C1QTNF1: variants seen among roughly 807,000 people sequenced by gnomAD.
C1QTNF1 encodes complement C1q tumor necrosis factor-related protein 1.
Under a neutral mutation model 27.8 loss-of-function variants are expected in C1QTNF1, and 22 were observed. The ratio of observed to expected loss-of-function variants is 0.79; its 90% CI spans 0.56 to 1.13. The LOEUF is 1.13. C1QTNF1 is among the 50% of genes most tolerant of loss of function. The pLI, the probability that C1QTNF1 is intolerant of heterozygous loss-of-function variation, is 0.00. For synonymous variants in C1QTNF1, 166 were observed against 154.3 expected (o/e 1.08, Z -0.56); for missense variants, 373 against 380.2 (o/e 0.98, Z 0.16).
intron 1 of C1QTNF1, among the ~76,000 whole-genome samples, chr17:79,028,215 G>T (rs1333034372): frequency 6.6e-6 from 1 of 152,222 alleles, no homozygotes; most frequent in Non-Finnish European, 1.5e-5. Context: ...TTGGTGCCCT[G>T]TGCTGGGTCA....
intron 2 of C1QTNF1, among the ~76,000 whole-genome samples, chr17:79,044,659 T>C (rs1286807827): frequency 6.6e-6 from 1 of 152,172 alleles, no homozygotes; most frequent in Non-Finnish European, 1.5e-5. Context: ...TGGATGGCCT[T>C]CGTGTCTACG....
intron 2 of C1QTNF1, among the ~76,000 whole-genome samples, chr17:79,044,697 G>A (rs905986628): frequency 1.3e-5 from 2 of 152,182 alleles, no homozygotes; most frequent in Non-Finnish European, 1.5e-5. Context: ...GACTCCAGCC[G>A]ACCTGGGACA....
At position 79,047,964 on chromosome 17, in the gene C1QTNF1, G is replaced by C. The variant is rs35035542; in HGVS notation, c.722G>C (p.Arg241Pro). 6.2e-7 allele frequency: 1 copy of C among 1,613,808 alleles called. No individual in the cohort carries two copies. The highest frequency in any genetic ancestry group is 1.1e-5 in the South Asian group (1 of 91,070). ...MQSQSLMLEL[R>P]EQDQVWVRLY... ...AGCCAGAGCCTGATGCTGGAGCTGCGAGAGCAGGACCAGGTGTGGGTACGC... is the reference window on the plus strand; with the variant it reads ...AGCCAGAGCCTGATGCTGGAGCTGCCAGAGCAGGACCAGGTGTGGGTACGC... The change falls in exon 4 of 4, where the codon CGA becomes CCA. Residue 241 changes from arginine (R) to proline (P), a missense_variant. Coordinates refer to ENST00000579760, the MANE Select transcript of C1QTNF1 (RefSeq NM_030968.5).
chr17:79,037,465 T>C (rs917950771), intron 1 of C1QTNF1, among the ~76,000 whole-genome samples: 1 of 151,658 alleles, frequency 6.6e-6, no homozygotes, highest in Non-Finnish European at 1.5e-5. Context: ...GGATTTGCCA[T>C]GTTGGCCAGG....
At position 79,047,668 on chromosome 17, in the gene C1QTNF1, G is replaced by A. The variant is rs769429332; in HGVS notation, c.426G>A (p.Lys142=). 2.5e-6 allele frequency: 4 copies of A among 1,613,810 alleles called. No homozygotes were observed. In the East Asian group the frequency reaches 8.9e-5, roughly 36 times the overall value. ...TGGGGGCCCCTGGGGAGCGGTGCAA[G>A]AGCCACTACGCCGCCTTTTCGGTGG... ...GSMGAPGERC[K]SHYAAFSVGR... Residue 142 remains lysine, a synonymous_variant, in exon 4 of 4, where the codon AAG becomes AAA. Coordinates refer to ENST00000579760, the MANE Select transcript of C1QTNF1 (RefSeq NM_030968.5).
At position 79,046,062 on chromosome 17, in the gene C1QTNF1, G is replaced by A. The variant is rs761246815; in HGVS notation, c.156-493G>A. 2.0e-5 allele frequency among the ~76,000 whole-genome samples: 3 copies of A among 152,184 alleles called. No homozygotes were observed. The highest frequency in any genetic ancestry group is 1.9e-4 in the East Asian group (1 of 5,188). ...CGCGAGGTGGCAGCCAGGAGCCGCC[G>A]CCGTCCATCCTGCCTGCGGGCTTGT... On this transcript the variant is annotated intron_variant, in intron 2 of 3. Coordinates refer to ENST00000579760, the MANE Select transcript of C1QTNF1 (RefSeq NM_030968.5). This position sits in a 1 kb window ranked among gnomAD's most constrained non-coding sequence, Gnocchi z 4.8.
At chr17:79,033,413 G>C (rs550708093) in intron 1 of C1QTNF1, among the ~76,000 whole-genome samples, 8 of 152,266 alleles carry the variant, frequency 5.3e-5, no homozygotes, top group African/African-American at 1.9e-4. Flanking sequence ...TGTGGACCAG[G>C]ACAGGCAGAA....
chr17:79,023,704 G>GCACA (rs5822269), upstream of C1QTNF1, among the ~76,000 whole-genome samples: 2,511 of 144,994 alleles, frequency 0.017, 48 homozygotes, highest in African/African-American at 0.05. Context: ...GCGCGCGCGC[G>GCACA]CACACACACA....
intron 1 of C1QTNF1, among the ~76,000 whole-genome samples, chr17:79,029,366 C>A (rs1259642813): frequency 6.6e-6 from 1 of 152,180 alleles, no homozygotes; most frequent in African/African-American, 2.4e-5. Context: ...CAGCACCTCC[C>A]CACTGTGGAA....
intron 1 of C1QTNF1, chr17:79,025,648 CA>C (rs1286229188): frequency 1.9e-5 from 3 of 159,240 alleles, no homozygotes; most frequent in Non-Finnish European, 4.2e-5. Context: ...CAGCCATGAA[CA>C]GCCACAGATA....
chr17:79,049,462 C>G lies in C1QTNF1; in HGVS notation c.*1374C>G, dbSNP rs906191732. The G allele has an allele frequency of 6.6e-6, 1 of 152,506 alleles. No individual in the cohort carries two copies. The highest frequency in any genetic ancestry group is 1.5e-5 in the Non-Finnish European group (1 of 68,278). The allele number at this position is 152,506 out of a possible 1,614,324, so 9.4% of individuals were successfully genotyped here. ...GCCCTGCCCATGGCCACCCCAGACT[C>G]TGATCTCCAGGAACCCCATAGCCCC... is the stretch of plus-strand genomic sequence containing the variant. On this transcript the variant is annotated 3_prime_UTR_variant, in exon 4 of 4. Coordinates refer to ENST00000579760, the MANE Select transcript of C1QTNF1 (RefSeq NM_030968.5). The surrounding 1 kb of genome is among the most constrained non-coding windows in gnomAD (Gnocchi z 4.4).
rs749653695 is a variant in C1QTNF1 at position 79,046,579 on chromosome 17, CA to C, written c.181del (p.Arg61GlyfsTer37). 1.2e-6 allele frequency: 2 copies of C among 1,614,086 alleles called. No individual in the cohort carries two copies. The highest frequency in any genetic ancestry group is 1.7e-6 in the Non-Finnish European group (2 of 1,180,034). ...ERAEEQHEKY[R>X]PSQDQGLPAS... ...GGGCTGAAGAACAACATGAAAAATA[CA>C]GGCCCAGTCAGGACCAGGGGCTCCC... On this transcript the variant is annotated frameshift_variant, in exon 3 of 4. Coordinates refer to ENST00000579760, the MANE Select transcript of C1QTNF1 (RefSeq NM_030968.5). LOFTEE classifies it high-confidence loss of function. This position sits in a 1 kb window ranked among gnomAD's most constrained non-coding sequence, Gnocchi z 4.8.
intron 1 of C1QTNF1, among the ~76,000 whole-genome samples, chr17:79,036,493 T>C (rs114910979): frequency 0.023 from 3,569 of 152,326 alleles, 121 homozygotes; most frequent in African/African-American, 0.081. Flanking sequence ...TTAATAGTTA[T>C]TGAATGCTTG....
At chr17:79,026,006 G>A (rs78193585) in intron 1 of C1QTNF1, 3,932 of 255,392 alleles carry the variant, frequency 0.015, 140 homozygotes, top group African/African-American at 0.084. Flanking sequence ...TATTATAATA[G>A]TTAATTCTCA....
chr17:79,038,477 C>G (rs2072319200), intron 1 of C1QTNF1, among the ~76,000 whole-genome samples: 1 of 152,170 alleles, frequency 6.6e-6, no homozygotes, highest in Non-Finnish European at 1.5e-5. Context: ...GCGGCTAGTC[C>G]TCAGGGACAT....
In C1QTNF1 at chr17:79,048,203, G is replaced by T. The variant is rs761952122; in HGVS notation, c.*115G>T. On this transcript the variant is annotated 3_prime_UTR_variant, in exon 4 of 4. Transcript: ENST00000579760. ...CCCTGGCTTTGGCATTCAGTGAGACGCCCTGCACACACAGAAAGCCAAAGC... is the reference window on the plus strand; with the variant it reads ...CCCTGGCTTTGGCATTCAGTGAGACTCCCTGCACACACAGAAAGCCAAAGC... 173 of 1,030,230 alleles carry T rather than the reference G, an allele frequency of 1.7e-4. 1 individual carries two copies. The highest frequency in any genetic ancestry group is 2.2e-4 in the Non-Finnish European group (165 of 734,776). 63.8% of individuals were successfully genotyped at this position (1,030,230 alleles called of 1,614,324 possible). A position where few individuals can be genotyped will look rare whatever the true frequency, so the allele number is the denominator to read the frequency against.
At chr17:79,047,297 G>C in intron 3 of C1QTNF1, 1 of 391,056 alleles carries the variant, frequency 2.6e-6, no homozygotes. Flanking sequence ...GCTTCTGGGC[G>C]AAAATAGAAC....
chr17:79,029,587 T>C (rs1359772084), intron 1 of C1QTNF1, among the ~76,000 whole-genome samples: 1 of 152,152 alleles, frequency 6.6e-6, no homozygotes, highest in Non-Finnish European at 1.5e-5. Context: ...ATTGGGCTAC[T>C]CCTGGGTCCA....
intron 1 of C1QTNF1, chr17:79,043,307 A>C (rs1043421225): frequency 2.2e-6 from 1 of 449,370 alleles, no homozygotes; most frequent in African/African-American, 2.1e-5. Context: ...GTATGTGTGC[A>C]TGTGAGTTGT....
Sources: gnomAD v4.1 joint callset for allele counts (sites outside exome capture counted in the v4.1 genomes callset) on GRCh38, gnomAD v4.1.1 for gene constraint, Gnocchi (gnomAD v3.1) non-coding constraint, MANE v1.5 for transcripts, NCBI Gene and HGNC (gene_info 2026-07-23, HGNC 2026-07-21) for gene names.